The following TXNDC9 variants were observed in gnomAD, a reference collection of about 807,000 sequenced individuals.
TXNDC9 encodes thioredoxin domain containing 9, also known as thioredoxin domain-containing protein 9.
A neutral mutation model predicts 23.0 loss-of-function variants in TXNDC9; 7 were observed. That is an observed-to-expected ratio of 0.30 (90% CI 0.17 to 0.57). The LOEUF is 0.57. Among genes scored for constraint, TXNDC9 ranks in the 20% least tolerant of loss-of-function variants. The pLI is 0.90. For synonymous variants in TXNDC9, 72 were observed against 90.6 expected (o/e 0.79, Z 1.17); for missense variants, 198 against 252.6 (o/e 0.78, Z 1.47).
downstream of TXNDC9, among the ~76,000 whole-genome samples, chr2:99,316,471 T>C (rs2094189238): frequency 6.6e-6 from 1 of 152,146 alleles, no homozygotes; most frequent in Admixed American, 6.5e-5. Flanking sequence ...ATTGGGCCAA[T>C]GGGTTTTCTT....
intron 3 of TXNDC9, among the ~76,000 whole-genome samples, chr2:99,326,104 G>C (rs903884204): frequency 2.0e-5 from 3 of 152,096 alleles, no homozygotes; most frequent in African/African-American, 7.2e-5. Context: ...ATTTGTCAGA[G>C]GTTGGCAACT....
the TXNDC9 span, among the ~76,000 whole-genome samples, chr2:99,306,421 T>C: frequency 5.3e-4 from 80 of 152,248 alleles, no homozygotes; most frequent in African/African-American, 1.8e-3. Flanking sequence ...CCTGAGGGGT[T>C]AGATAAAAAG....
At chr2:99,312,624 T>C in the TXNDC9 span, among the ~76,000 whole-genome samples, 2 of 151,892 alleles carry the variant, frequency 1.3e-5, no homozygotes, top group African/African-American at 4.8e-5. Flanking sequence ...TACAGGTAAA[T>C]GGGAAAAAAA....
At chr2:99,327,738 G>T in intron 2 of TXNDC9, 85 bp from the exon 3 acceptor site, 48 of 709,492 alleles carry the variant, frequency 6.8e-5, no homozygotes, top group Middle Eastern at 2.6e-4. Context: ...AATCACCATC[G>T]TATTTTGTAA....
chr2:99,312,324 C>T, the TXNDC9 span, among the ~76,000 whole-genome samples: 5 of 152,020 alleles, frequency 3.3e-5, no homozygotes, highest in East Asian at 1.9e-4. Context: ...GGTGAAACCC[C>T]GTCCCTACTA....
chr2:99,311,178 A>C, the TXNDC9 span, among the ~76,000 whole-genome samples: 5 of 152,132 alleles, frequency 3.3e-5, no homozygotes, highest in Admixed American at 2.0e-4. Flanking sequence ...GGTGTGTGCC[A>C]CCACACTGGG....
At chr2:99,317,026 G>A (rs1350343622), downstream of TXNDC9, among the ~76,000 whole-genome samples, 2 of 152,178 alleles carry the variant, frequency 1.3e-5, no homozygotes, top group Non-Finnish European at 2.9e-5. Context: ...AAAGTGCTGG[G>A]ATTACAGGCG....
chr2:99,317,919 C>T (rs1309393675), downstream of TXNDC9, among the ~76,000 whole-genome samples: 2 of 152,210 alleles, frequency 1.3e-5, no homozygotes, highest in East Asian at 3.8e-4. Context: ...GAGACAGGGT[C>T]TCACTCCGTC....
At chr2:99,326,479 GC>G (rs1452630461) in intron 3 of TXNDC9, among the ~76,000 whole-genome samples, 1 of 152,192 alleles carries the variant, frequency 6.6e-6, no homozygotes, top group Admixed American at 6.5e-5. Context: ...TTCCAGCTAT[GC>G]TATTAGCAAG....
intron 2 of TXNDC9, chr2:99,332,689 G>C (rs1401566338): frequency 8.9e-6 from 2 of 224,684 alleles, no homozygotes; most frequent in Non-Finnish European, 1.7e-5. Context: ...TATCTCGTTT[G>C]CTTTGAAAAT....
chr2:99,317,640 A>AT (rs796638781), downstream of TXNDC9, among the ~76,000 whole-genome samples: 561 of 146,660 alleles, frequency 3.8e-3, 5 homozygotes, highest in African/African-American at 0.011. Context: ...CTAACCACTC[A>AT]TTTTTTTTTT....
intron 1 of TXNDC9, 69 bp downstream of exon 1, chr2:99,336,170 T>G (rs2094239810): frequency 2.1e-6 from 2 of 974,072 alleles, no homozygotes; most frequent in African/African-American, 1.8e-5. Context: ...GCTCCGGATG[T>G]GGAGCAGCAG....
At chr2:99,329,534 C>G (rs1006849501) in intron 2 of TXNDC9, among the ~76,000 whole-genome samples, 1 of 152,206 alleles carries the variant, frequency 6.6e-6, no homozygotes, top group East Asian at 1.9e-4. Flanking sequence ...CCATTTACAT[C>G]GAGCTGACAC....
chr2:99,333,780 A>G (rs1027654780), intron 1 of TXNDC9, among the ~76,000 whole-genome samples: 3 of 152,176 alleles, frequency 2.0e-5, no homozygotes, highest in African/African-American at 7.2e-5. Context: ...TCTCATTACC[A>G]TTTATGTAAA....
downstream of TXNDC9, among the ~76,000 whole-genome samples, chr2:99,315,411 T>C (rs2094186927): frequency 2.6e-5 from 4 of 152,152 alleles, no homozygotes; most frequent in Admixed American, 1.3e-4. Context: ...TTTTATTGGG[T>C]TGAAAGAATT....
intron 1 of TXNDC9, among the ~76,000 whole-genome samples, chr2:99,335,611 T>C (rs1427290962): frequency 6.6e-6 from 1 of 152,114 alleles, no homozygotes; most frequent in Admixed American, 6.6e-5. Flanking sequence ...ACTGTGACCC[T>C]CAGTGAGGGG....
intron 1 of TXNDC9, among the ~76,000 whole-genome samples, chr2:99,334,980 C>T (rs1190466664): frequency 6.6e-6 from 1 of 152,234 alleles, no homozygotes; most frequent in Non-Finnish European, 1.5e-5. Flanking sequence ...TCCCAAAGTG[C>T]TGAGATTACA....
chr2:99,308,455 A>T, the TXNDC9 span, among the ~76,000 whole-genome samples: 1 of 151,912 alleles, frequency 6.6e-6, no homozygotes. Flanking sequence ...ACATGATCTT[A>T]GTGGCAGAAT....
At chr2:99,317,251 G>A (rs182023101), downstream of TXNDC9, among the ~76,000 whole-genome samples, 115 of 152,200 alleles carry the variant, frequency 7.6e-4, no homozygotes, top group Non-Finnish European at 1.4e-3. Context: ...TCCTTGTATG[G>A]ATTAGTTTCC....
Sources: allele counts gnomAD v4.1 joint callset (sites outside exome capture counted in the v4.1 genomes callset), GRCh38; gene constraint gnomAD v4.1.1; transcripts MANE v1.5; gene names NCBI Gene and HGNC (gene_info 2026-07-23, HGNC 2026-07-21).